The following MYO16 variants were observed in gnomAD, a reference collection of about 807,000 sequenced individuals.
The protein encoded by MYO16 is myosin XVI.
Under a neutral mutation model 205.3 loss-of-function variants are expected in MYO16, and 94 were observed. That is an observed-to-expected ratio of 0.46 (90% CI 0.39 to 0.54). The LOEUF (loss-of-function observed/expected upper bound fraction) is 0.54. Among genes scored for constraint, MYO16 ranks in the 20% least tolerant of loss-of-function variants. The pLI is 0.00. For synonymous variants in MYO16, 988 were observed against 954.0 expected (o/e 1.04, Z -0.66); for missense variants, 2,315 against 2,387.5 (o/e 0.97, Z 0.63).
At chr13:108,916,491 G>A (rs944294624) in intron 16 of MYO16, among the ~76,000 whole-genome samples, 2 of 152,186 alleles carry the variant, frequency 1.3e-5, no homozygotes, top group African/African-American at 2.4e-5. Flanking sequence ...CAAAGTCAAA[G>A]TCTGCATGTC....
At chr13:108,767,380 G>A (rs1885815659) in intron 4 of MYO16, among the ~76,000 whole-genome samples, 1 of 152,156 alleles carries the variant, frequency 6.6e-6, no homozygotes, top group Non-Finnish European at 1.5e-5. Flanking sequence ...GGGATTACAG[G>A]CATGAGCCAC....
chr13:109,191,755 C>T (rs1594174466), intron 34 of MYO16, among the ~76,000 whole-genome samples: 1 of 152,272 alleles, frequency 6.6e-6, no homozygotes, highest in Non-Finnish European at 1.5e-5. Flanking sequence ...GGATACTTTC[C>T]AGTTATGAAC....
upstream of MYO16, among the ~76,000 whole-genome samples, chr13:108,594,746 C>A (rs1426003423): frequency 6.6e-6 from 1 of 152,192 alleles, no homozygotes; most frequent in Non-Finnish European, 1.5e-5. Flanking sequence ...CCCCCACCAG[C>A]CCAGTGTTGC....
intron 2 of MYO16, among the ~76,000 whole-genome samples, chr13:108,688,283 G>A (rs575587029): frequency 4.3e-4 from 66 of 152,230 alleles, no homozygotes; most frequent in African/African-American, 1.6e-3. Flanking sequence ...ATAGAAAACA[G>A]GATGCCCTAG....
chr13:108,601,636 T>C (rs1200378817), intron 1 of MYO16, among the ~76,000 whole-genome samples: 1 of 152,110 alleles, frequency 6.6e-6, no homozygotes, highest in Non-Finnish European at 1.5e-5. Flanking sequence ...AAGATAATCC[T>C]AGGGACCCAG....
intron 18 of MYO16, among the ~76,000 whole-genome samples, chr13:108,962,056 T>G (rs911254596): frequency 6.6e-6 from 1 of 152,238 alleles, no homozygotes; most frequent in African/African-American, 2.4e-5. Flanking sequence ...GTTGCCTCGT[T>G]AGTCGCTCCC....
chr13:108,877,112 A>T (rs565510484), intron 12 of MYO16, among the ~76,000 whole-genome samples: 1 of 152,258 alleles, frequency 6.6e-6, no homozygotes, highest in African/African-American at 2.4e-5. Flanking sequence ...TTTGTCTATT[A>T]ATCTTTATTA....
intron 32 of MYO16, among the ~76,000 whole-genome samples, chr13:109,155,118 G>A (rs1877933710): frequency 6.6e-6 from 1 of 151,998 alleles, no homozygotes; most frequent in Admixed American, 6.6e-5. Flanking sequence ...TCATTTTTTA[G>A]CTTTACTATC....
intron 16 of MYO16, among the ~76,000 whole-genome samples, chr13:108,956,269 A>G (rs367917307): frequency 9.7e-4 from 146 of 150,644 alleles, no homozygotes; most frequent in African/African-American, 3.4e-3. Flanking sequence ...CCTGCTTTCC[A>G]CCTCCCCGTG....
chr13:108,631,541 T>C (rs1024730442), intron 1 of MYO16, among the ~76,000 whole-genome samples: 2 of 152,192 alleles, frequency 1.3e-5, no homozygotes, highest in African/African-American at 4.8e-5. Context: ...ATTTAAACAT[T>C]CCTGATGCAT....
At chr13:108,518,004 C>T in the MYO16 span, among the ~76,000 whole-genome samples, 3 of 152,116 alleles carry the variant, frequency 2.0e-5, no homozygotes, top group African/African-American at 7.2e-5. Context: ...TCCCAAAGGC[C>T]TCACCTCCTA....
chr13:108,782,350 C>T (rs186434500), intron 4 of MYO16, among the ~76,000 whole-genome samples: 2 of 152,242 alleles, frequency 1.3e-5, no homozygotes, highest in East Asian at 3.9e-4. Flanking sequence ...GAACTTTGAA[C>T]TTGAGAGAGA....
the MYO16 span, among the ~76,000 whole-genome samples, chr13:108,505,256 C>T: frequency 3.3e-5 from 5 of 152,158 alleles, no homozygotes; most frequent in Admixed American, 6.6e-5. Context: ...AGTGGCTGCA[C>T]CATTTTACCT....
intron 20 of MYO16, among the ~76,000 whole-genome samples, chr13:108,975,362 T>C (rs1381986757): frequency 6.6e-6 from 1 of 152,144 alleles, no homozygotes; most frequent in Admixed American, 6.6e-5. Context: ...CAAAGAGGTT[T>C]TTTATAAAAT....
At chr13:108,774,999 C>G (rs961646009) in intron 4 of MYO16, among the ~76,000 whole-genome samples, 1 of 152,080 alleles carries the variant, frequency 6.6e-6, no homozygotes, top group East Asian at 1.9e-4. Flanking sequence ...GCTATTGTTC[C>G]TGTATTATGA....
At chr13:109,183,862 A>G (rs1485704976) in intron 34 of MYO16, among the ~76,000 whole-genome samples, 1 of 152,234 alleles carries the variant, frequency 6.6e-6, no homozygotes, top group African/African-American at 2.4e-5. Context: ...GATGAAAGCC[A>G]TAATAAGATC....
chr13:109,177,352 G>A (rs145411205), intron 33 of MYO16, among the ~76,000 whole-genome samples: 214 of 152,168 alleles, frequency 1.4e-3, no homozygotes, highest in African/African-American at 4.6e-3. Flanking sequence ...ATTTCTCAGC[G>A]CCTTATGCAG....
rs1330279751 is a variant in MYO16, at chr13:109,140,992, A to C, written c.4780A>C (p.Thr1594Pro). The C allele has an allele frequency of 7.5e-7, 1 of 1,339,582 alleles. No homozygotes were observed. Among genetic ancestry groups the C allele is most frequent in the African/African-American group, 1.6e-5 (1 of 64,362 alleles). 83.0% of individuals were successfully genotyped at this position (1,339,582 alleles called of 1,614,324 possible). A position where few individuals can be genotyped will look rare whatever the true frequency, so the allele number is the denominator to read the frequency against. Residue 1594 changes from threonine (T) to proline (P), a missense_variant, in exon 32 of 35, where the codon ACG becomes CCG. Physicochemically the swap from Thr to Pro is conservative, Grantham distance 38. Coordinates refer to ENST00000457511, the MANE Select transcript of MYO16 (RefSeq NM_001198950.3). The surrounding 1 kb of genome is among the most constrained non-coding windows in gnomAD (Gnocchi z 8.0). ...GTCCGGCCGAGCCTCCCCGCCGTCC[A>C]CGCCGCCCCCGCCCCCGCCCCCGCC... is the stretch of plus-strand genomic sequence containing the variant. ...NGSGRASPPS[T>P]PPPPPPPPGP...
At chr13:108,557,825 TA>T in the MYO16 span, among the ~76,000 whole-genome samples, 1 of 152,140 alleles carries the variant, frequency 6.6e-6, no homozygotes, top group East Asian at 1.9e-4. Context: ...GTTATGCAAA[TA>T]AAAATGAGCA....
Sources: gnomAD v4.1 joint callset for allele counts (sites outside exome capture counted in the v4.1 genomes callset) on GRCh38, gnomAD v4.1.1 for gene constraint, Gnocchi (gnomAD v3.1) non-coding constraint, MANE v1.5 for transcripts, NCBI Gene and HGNC (gene_info 2026-07-23, HGNC 2026-07-21) for gene names.